The following SLC35A5 variants were observed in gnomAD, a reference collection of about 807,000 sequenced individuals.
SLC35A5 encodes solute carrier family 35 member A5.
In SLC35A5, 28 loss-of-function variants were observed where a neutral mutation model predicts 36.3. The ratio of observed to expected loss-of-function variants is 0.77; its 90% confidence interval spans 0.57 to 1.06. The LOEUF (loss-of-function observed/expected upper bound fraction) is 1.06, where lower values mean the gene tolerates loss of function less well. SLC35A5 is among the 50% of genes least tolerant of loss of function. SLC35A5 has a pLI of 0.00. For missense variants in SLC35A5, 521 were observed against 499.3 expected, an observed-to-expected ratio of 1.04 and a Z score of -0.41; for synonymous variants, 180 against 173.7, an observed-to-expected ratio of 1.04 and a Z score of -0.29.
chr3:112,570,329 C>G (rs1014681670), intron 3 of SLC35A5: 4 of 379,922 alleles, frequency 1.1e-5, no homozygotes, highest in Non-Finnish European at 1.8e-5. Context: ...TCTGTTATCT[C>G]AAATTAACAG....
chr3:112,562,471 G>A (rs1405100997), intron 1 of SLC35A5, among the ~76,000 whole-genome samples, 198 bp downstream of exon 1: 1 of 152,196 alleles, frequency 6.6e-6, no homozygotes, highest in African/African-American at 2.4e-5. Flanking sequence ...CCCACTCCCC[G>A]CAGGCTCTAT....
intron 2 of SLC35A5, among the ~76,000 whole-genome samples, chr3:112,567,626 G>A (rs1168044555): frequency 6.6e-6 from 1 of 152,200 alleles, no homozygotes; most frequent in Non-Finnish European, 1.5e-5. Flanking sequence ...TTTTAAAGGG[G>A]ACATTGGATT....
intron 2 of SLC35A5, among the ~76,000 whole-genome samples, chr3:112,567,787 A>G (rs1469248500): frequency 6.6e-6 from 1 of 152,230 alleles, no homozygotes; most frequent in Admixed American, 6.5e-5. Flanking sequence ...AAGGACTGCA[A>G]GAAAACCACT....
At chr3:112,579,679 G>A (rs1934817237) in intron 5 of SLC35A5, among the ~76,000 whole-genome samples, 2 of 152,008 alleles carry the variant, frequency 1.3e-5, no homozygotes, top group African/African-American at 4.8e-5. Flanking sequence ...ACAGATTGTA[G>A]TGTTCCTCAG....
chr3:112,571,174 T>C (rs1934418519), intron 4 of SLC35A5, among the ~76,000 whole-genome samples: 1 of 152,224 alleles, frequency 6.6e-6, no homozygotes, highest in African/African-American at 2.4e-5. Context: ...GTAGGGATCA[T>C]GTCCTCCCAA....
chr3:112,566,368 T>G (rs76014487), intron 2 of SLC35A5, among the ~76,000 whole-genome samples: 4,580 of 152,160 alleles, frequency 0.03, 100 homozygotes, highest in South Asian at 0.056. Flanking sequence ...AAATAGGAGG[T>G]AGGTTTTCGT....
intron 6 of SLC35A5, 72 bp from the exon 7 acceptor site, chr3:112,582,599 A>T: frequency 2.4e-6 from 1 of 415,462 alleles, no homozygotes; most frequent in Non-Finnish European, 3.9e-6. Context: ...GTGATTTGTT[A>T]GTAAGGTTTT....
chr3:112,562,487 A>G (rs527726496), intron 1 of SLC35A5, among the ~76,000 whole-genome samples: 2 of 152,308 alleles, frequency 1.3e-5, no homozygotes, highest in African/African-American at 2.4e-5. Flanking sequence ...TCTATGCGCT[A>G]TTCCTACAGT....
chr3:112,573,561 A>G (rs913742236), intron 4 of SLC35A5, among the ~76,000 whole-genome samples: 4 of 152,258 alleles, frequency 2.6e-5, no homozygotes, highest in African/African-American at 9.6e-5. Context: ...TTAAAAATCC[A>G]TAAGGCGCTT....
intron 6 of SLC35A5, among the ~76,000 whole-genome samples, chr3:112,581,824 A>T (rs931322154): frequency 1.3e-5 from 2 of 151,974 alleles, no homozygotes; most frequent in African/African-American, 4.8e-5. Context: ...CCCTGTGGTT[A>T]TTCATAAGCC....
intron 4 of SLC35A5, 147 bp from the exon 5 acceptor site, chr3:112,573,742 A>G: frequency 1.5e-6 from 1 of 662,180 alleles, no homozygotes; most frequent in South Asian, 1.9e-5. Context: ...CAAAACTGGA[A>G]TTTAATCCTT....
Position 112,584,833 on chromosome 3 carries a change from T to C in SLC35A5, c.*2097T>C, listed in dbSNP as rs974739739. The C allele has an allele frequency of 5.3e-5, 8 of 152,124 alleles. No individual in the cohort carries two copies. Among genetic ancestry groups the C allele is most frequent in the African/African-American group, 1.9e-4 (8 of 41,406 alleles). 9.4% of individuals were successfully genotyped at this position (152,124 alleles called of 1,614,324 possible). The stretch of plus-strand genomic sequence containing the variant: ...CTGGAATAAGAAAATGTGGTACATA[T>C]ACACCATGGAATACTTTGCAGCCAT... On this transcript the variant is annotated 3_prime_UTR_variant, in exon 7 of 7. Coordinates refer to ENST00000492406, the MANE Select transcript of SLC35A5 (RefSeq NM_017945.5).
rs191253382 is a variant in SLC35A5 at position 112,574,799 on chromosome 3, A to G, written c.428+843A>G. On this transcript the variant is annotated intron_variant, in intron 5 of 6. Coordinates refer to ENST00000492406, the MANE Select transcript of SLC35A5 (RefSeq NM_017945.5). ...TACAAAGATTTAATTTGTTGAGTCC[A>G]TGATATACTTAATATATAAATTATA... is the stretch of plus-strand genomic sequence containing the variant. 6.8e-4 allele frequency among the ~76,000 whole-genome samples: 104 copies of G among 152,208 alleles called. No homozygotes were observed. In the Middle Eastern group the frequency reaches 0.014, roughly 20 times the overall value.
At chr3:112,571,602 G>A (rs1026890327) in intron 4 of SLC35A5, among the ~76,000 whole-genome samples, 15 of 152,202 alleles carry the variant, frequency 9.9e-5, no homozygotes, top group African/African-American at 3.1e-4. Flanking sequence ...AAGGAAAGAG[G>A]TTTAATGGAC....
Position 112,583,934 on chromosome 3 carries a change from G to A in SLC35A5, c.*1198G>A, listed in dbSNP as rs556973964. The A allele has an allele frequency of 1.9e-4, 29 of 152,134 alleles. No individual in the cohort carries two copies. Among genetic ancestry groups the A allele is most frequent in the African/African-American group, 6.7e-4 (28 of 41,502 alleles). 9.4% of individuals were successfully genotyped at this position (152,134 alleles called of 1,614,324 possible). A position where few individuals can be genotyped will look rare whatever the true frequency, so the allele number is the denominator to read the frequency against. ...GCAGCTGGGTGATGATAGAAGAGTG[G>A]GCTTTAACTGGCAGGCCTGTATGTT... On this transcript the variant is annotated 3_prime_UTR_variant, in exon 7 of 7. Transcript: ENST00000492406.
At chr3:112,570,785 G>A in intron 4 of SLC35A5, 115 bp downstream of exon 4, 1 of 983,970 alleles carries the variant, frequency 1.0e-6, no homozygotes, top group South Asian at 1.9e-5. Flanking sequence ...GTCCTCACTG[G>A]CCTTCCTGAG....
At chr3:112,561,529 C>T, upstream of SLC35A5, 1 of 1,609,294 alleles carries the variant, frequency 6.2e-7, no homozygotes, top group Non-Finnish European at 8.5e-7. Context: ...CATTCTGCAT[C>T]CTGGGGCCGG....
chr3:112,563,395 AAC>A lies in SLC35A5; in HGVS notation c.-7_-6del. 6.7e-7 allele frequency: 1 copy of A among 1,494,266 alleles called. No homozygotes were observed. 92.6% of individuals were successfully genotyped at this position (1,494,266 alleles called of 1,614,324 possible). A position where few individuals can be genotyped will look rare whatever the true frequency, so the allele number is the denominator to read the frequency against. ...GTTTTTCTCTTTAAGGTAATTAAAA[AAC>A]AGTGGAATGGAAAAACAGTGCTGTA... On this transcript the variant is annotated 5_prime_UTR_variant, in exon 2 of 7. Coordinates refer to ENST00000492406, the MANE Select transcript of SLC35A5 (RefSeq NM_017945.5).
Position 112,565,494 on chromosome 3 carries a change from C to T in SLC35A5, c.130+1961C>T, listed in dbSNP as rs1222738691. ...TTACCAAGCAAAAAGTTTAAGGACT[C>T]GTAGCCAGGCACAGTGGCTCATGCT... On this transcript the variant is annotated intron_variant, in intron 2 of 6. Coordinates refer to ENST00000492406, the MANE Select transcript of SLC35A5 (RefSeq NM_017945.5). Among the ~76,000 whole-genome samples, 3 of 152,102 alleles carry T rather than the reference C, an allele frequency of 2.0e-5. No homozygotes were observed. In the East Asian group the frequency reaches 5.8e-4, roughly 29 times the overall value.
Sources: gnomAD v4.1 joint callset for allele counts (sites outside exome capture counted in the v4.1 genomes callset) on GRCh38, gnomAD v4.1.1 for gene constraint, MANE v1.5 for transcripts, NCBI Gene and HGNC (gene_info 2026-07-23, HGNC 2026-07-21) for gene names.